The following RAD50 variants were observed in gnomAD, a reference collection of about 807,000 sequenced individuals.
RAD50 encodes the protein DNA repair protein RAD50.
RAD50 carries 132 observed loss-of-function variants against 168.8 expected under a neutral mutation model. The observed-to-expected ratio is 0.78, with a 90% CI of 0.68 to 0.90. RAD50 has a LOEUF of 0.90. Ranked by LOEUF, RAD50 falls within the 40% of genes least tolerant of loss-of-function variation. The pLI, the probability that RAD50 is intolerant of heterozygous loss-of-function variation, is 0.00. For missense variants in RAD50, 1,347 were observed against 1,534.4 expected (o/e 0.88, Z 2.04); for synonymous variants, 525 against 497.4 (o/e 1.06, Z -0.74).
In RAD50 at chr5:132,587,971, C is replaced by A. The variant is rs1580992154; in HGVS notation, c.933C>A (p.His311Gln). 6.2e-7 allele frequency: 1 copy of A among 1,612,634 alleles called. No homozygotes were observed. ...AACTAAATGACTTATATCACAATCA[C>A]CAGAGAACAGTAAGGGAGAAAGAAA... ...DEQLNDLYHN[H>Q]QRTVREKERK... The change falls in exon 7 of 25, where the codon CAC becomes CAA. Residue 311 changes from histidine (H) to glutamine (Q), a missense_variant. Physicochemically the swap from His to Gln is conservative, Grantham distance 24. This residue lies in a region of RAD50 where 703 missense variants were observed against 767.7 expected (regional missense o/e 0.92). Transcript: ENST00000378823.
intron 21 of RAD50, among the ~76,000 whole-genome samples, chr5:132,626,908 TTC>T (rs1751380955): frequency 6.6e-6 from 1 of 152,150 alleles, no homozygotes; most frequent in South Asian, 2.1e-4. Flanking sequence ...GTCTCACTGG[TTC>T]TCTCAGCTCT....
intron 9 of RAD50, 125 bp from the exon 10 acceptor site, chr5:132,591,099 G>T: frequency 6.1e-6 from 6 of 982,770 alleles, no homozygotes; most frequent in Admixed American, 4.1e-5. Context: ...TTTTTCTCTT[G>T]TTGGATGCAA....
At chr5:132,621,498 A>T (rs1008326356) in intron 21 of RAD50, among the ~76,000 whole-genome samples, 8 of 152,222 alleles carry the variant, frequency 5.3e-5, no homozygotes, top group African/African-American at 1.9e-4. Context: ...TTGCTTTTTA[A>T]ATCCCACTCC....
rs1750928356 is a variant in RAD50, at chr5:132,603,632, G to A, written c.2397+143G>A. On this transcript the variant is annotated intron_variant, in intron 14 of 24. Coordinates refer to ENST00000378823, the MANE Select transcript of RAD50 (RefSeq NM_005732.4). Reference sequence around the variant, plus strand: ...ATCCTGAATTTCAGATACCCTCAGGGAGAAACTGCTTAGTTTACATCCCTG... The same window carrying A: ...ATCCTGAATTTCAGATACCCTCAGGAAGAAACTGCTTAGTTTACATCCCTG... The A allele has an allele frequency of 4.1e-6, 4 of 979,346 alleles. No individual in the cohort carries two copies. In the East Asian group the frequency reaches 1.0e-4, roughly 25 times the overall value. The allele number at this position is 979,346 out of a possible 1,614,324, so 60.7% of individuals were successfully genotyped here.
intron 2 of RAD50, among the ~76,000 whole-genome samples, chr5:132,567,099 T>G: frequency 6.6e-6 from 1 of 152,202 alleles, no homozygotes; most frequent in East Asian, 1.9e-4. Context: ...TGTAAATATT[T>G]GTTGAATGAT....
In RAD50 at chr5:132,575,758, T is replaced by G. The variant is rs373654490; in HGVS notation, c.214-19T>G. 5 of 1,573,586 alleles carry G rather than the reference T, an allele frequency of 3.2e-6. No homozygotes were observed. Among genetic ancestry groups the G allele is most frequent in the Non-Finnish European group, 4.4e-6 (5 of 1,143,020 alleles). On this transcript the variant is annotated intron_variant, in intron 2 of 24. Coordinates refer to ENST00000378823, the MANE Select transcript of RAD50 (RefSeq NM_005732.4). ...GCTTATTAAAGTAACATAAGTTTTT[T>G]CTGTGTTTTCCTTCAAAGGTTGCTC...
chr5:132,578,931 A>G (rs944276811), intron 3 of RAD50, among the ~76,000 whole-genome samples: 1 of 152,136 alleles, frequency 6.6e-6, no homozygotes, highest in African/African-American at 2.4e-5. Flanking sequence ...AAAGAACCCC[A>G]TTCTAAGATG....
intron 18 of RAD50, 22 bp from the exon 19 acceptor site, chr5:132,609,261 T>C (rs758224481): frequency 5.0e-6 from 8 of 1,607,636 alleles, no homozygotes; most frequent in Non-Finnish European, 6.8e-6. Flanking sequence ...TTCATGTGCT[T>C]AAAGAATTTT....
At chr5:132,573,174 G>A (rs1274159910) in intron 2 of RAD50, among the ~76,000 whole-genome samples, 3 of 152,126 alleles carry the variant, frequency 2.0e-5, no homozygotes, top group South Asian at 4.1e-4. Flanking sequence ...ATGTGGTTTG[G>A]GGGGCAGGAA....
chr5:132,613,242 A>G (rs1039380091), intron 19 of RAD50, among the ~76,000 whole-genome samples: 1 of 152,200 alleles, frequency 6.6e-6, no homozygotes, highest in East Asian at 1.9e-4. Context: ...TTTAGTCCAC[A>G]GAATAAAATA....
intron 3 of RAD50, among the ~76,000 whole-genome samples, chr5:132,578,178 C>G (rs1750433272): frequency 2.0e-5 from 3 of 152,234 alleles, no homozygotes; most frequent in Admixed American, 1.3e-4. Context: ...CAAAACCAAA[C>G]TCAGTCCTTT....
chr5:132,595,032 T>A lies in RAD50; in HGVS notation c.1957T>A (p.Ser653Thr). The change falls in exon 12 of 25, where the codon TCA becomes ACA. Residue 653 changes from serine to threonine, a missense_variant. By Grantham distance (58) the Ser-to-Thr change is moderately conservative. Coordinates refer to ENST00000378823, the MANE Select transcript of RAD50 (RefSeq NM_005732.4). ...GCTTAAAGAGGAAATTGAAAAATCA[T>A]CAAAACAGCGAGGTAAGTTGTCTAC... ...DRLKEEIEKS[S>T]KQRAMLAGAT... 1 of 1,612,796 alleles carries A rather than the reference T, an allele frequency of 6.2e-7. No homozygotes were observed. The highest frequency in any genetic ancestry group is 8.5e-7 in the Non-Finnish European group (1 of 1,178,976).
chr5:132,578,261 C>T (rs1750434537), intron 3 of RAD50, among the ~76,000 whole-genome samples: 2 of 152,212 alleles, frequency 1.3e-5, no homozygotes, highest in Non-Finnish European at 2.9e-5. Flanking sequence ...GTGAATGATA[C>T]CACTATCCGT....
chr5:132,585,591 C>CTTTTTTTTT (rs1207946233), intron 5 of RAD50, among the ~76,000 whole-genome samples: 23 of 113,560 alleles, frequency 2.0e-4, no homozygotes, highest in Non-Finnish European at 3.0e-4. Flanking sequence ...TGTGAGAGTT[C>CTTTTTTTTT]TTTTTTTTTT....
chr5:132,639,349 G>A (rs1355200885), intron 23 of RAD50, among the ~76,000 whole-genome samples: 4 of 110,248 alleles, frequency 3.6e-5, no homozygotes, highest in East Asian at 2.5e-4. Context: ...GCGAAACTCC[G>A]TCTCAAAAAA....
rs1750456395 is a variant in RAD50 at position 132,579,219 on chromosome 5, T to C, written c.366-98T>C. 1.0e-5 allele frequency: 13 copies of C among 1,303,884 alleles called. No individual in the cohort carries two copies. In the South Asian group the frequency reaches 1.7e-4, roughly 17 times the overall value. The allele number at this position is 1,303,884 out of a possible 1,614,324, so 80.8% of individuals were successfully genotyped here. On this transcript the variant is annotated intron_variant, in intron 3 of 24. Coordinates refer to ENST00000378823, the MANE Select transcript of RAD50 (RefSeq NM_005732.4). ...ACGGGATAGGTGAAGGGCCTTTTTTTTTATTCTTTTAAAGAAGTACAGTAT... is the reference window on the plus strand; with the variant it reads ...ACGGGATAGGTGAAGGGCCTTTTTTCTTATTCTTTTAAAGAAGTACAGTAT...
At chr5:132,579,529 A>G (rs1217744167) in intron 4 of RAD50, 27 bp downstream of exon 4, 1 of 1,587,380 alleles carries the variant, frequency 6.3e-7, no homozygotes, top group Non-Finnish European at 8.6e-7. Context: ...TAGACTTTGT[A>G]GTCCATTAAG....
intron 19 of RAD50, among the ~76,000 whole-genome samples, chr5:132,611,289 G>A (rs1259163694): frequency 6.6e-6 from 1 of 152,196 alleles, no homozygotes; most frequent in Non-Finnish European, 1.5e-5. Context: ...TACTCAGGAG[G>A]CTGAGGCAGG....
Position 132,642,162 on chromosome 5 carries a change from G to A in RAD50, c.3753-16G>A, listed in dbSNP as rs1365664443. On this transcript the variant is annotated splice_polypyrimidine_tract_variant and intron_variant, in intron 24 of 24. Coordinates refer to ENST00000378823, the MANE Select transcript of RAD50 (RefSeq NM_005732.4). ...ATGCTCTTTACTAATAATATGTTCT[G>A]AATATATTGTTGCAGGATAATAAAA... The A allele has an allele frequency of 1.2e-6, 2 of 1,610,566 alleles. No individual in the cohort carries two copies. Among genetic ancestry groups the A allele is most frequent in the South Asian group, 2.2e-5 (2 of 90,968 alleles).
Sources: allele counts gnomAD v4.1 joint callset (sites outside exome capture counted in the v4.1 genomes callset), GRCh38; gene constraint gnomAD v4.1.1; regional missense constraint gnomAD v4.1.1; transcripts MANE v1.5; gene names NCBI Gene and HGNC (gene_info 2026-07-23, HGNC 2026-07-21).